The following SLC26A5 variants were observed in gnomAD, a reference collection of about 807,000 sequenced individuals.
SLC26A5 encodes the protein prestin.
Under a neutral mutation model 81.0 loss-of-function variants are expected in SLC26A5, and 51 were observed. The ratio of observed to expected loss-of-function variants is 0.63; its 90% CI spans 0.50 to 0.80. The LOEUF is 0.80. Ranked by LOEUF, SLC26A5 falls within the 30% of genes least tolerant of loss-of-function variation. The pLI, the probability that SLC26A5 is intolerant of heterozygous loss-of-function variation, is 0.00. For synonymous variants in SLC26A5, 325 were observed against 332.8 expected, an observed-to-expected ratio of 0.98 and a Z score of 0.25; for missense variants, 771 against 905.8, an observed-to-expected ratio of 0.85 and a Z score of 1.91.
chr7:103,364,268 A>G, intron 19 of SLC26A5: 2 of 1,614,172 alleles, frequency 1.2e-6, no homozygotes, highest in Non-Finnish European at 1.7e-6. Flanking sequence ...GCTTCATTCG[A>G]GTTATTGGAT....
At chr7:103,362,150 T>C (rs1820448492) in intron 19 of SLC26A5, 34 of 1,600,722 alleles carry the variant, frequency 2.1e-5, no homozygotes, top group Non-Finnish European at 4.3e-6. Context: ...CACATTCATA[T>C]CCTTGGCTTT....
chr7:103,424,188 C>T (rs1204161814), intron 2 of SLC26A5, among the ~76,000 whole-genome samples: 1 of 152,194 alleles, frequency 6.6e-6, no homozygotes, highest in Non-Finnish European at 1.5e-5. Flanking sequence ...CCATTTTCCC[C>T]ACAGCCTAAT....
At chr7:103,362,014 G>A in intron 19 of SLC26A5, 1 of 1,613,996 alleles carries the variant, frequency 6.2e-7, no homozygotes, top group Non-Finnish European at 8.5e-7. Flanking sequence ...TCAACGTAAA[G>A]CAGTTTGCCA....
At chr7:103,413,193 T>A (rs897971645) in intron 4 of SLC26A5, 81 bp from the exon 5 acceptor site, 4 of 950,704 alleles carry the variant, frequency 4.2e-6, no homozygotes, top group Non-Finnish European at 6.7e-6. Flanking sequence ...TGGTTCTTTA[T>A]TTCTGATGAA....
intron 19 of SLC26A5, among the ~76,000 whole-genome samples, chr7:103,364,696 C>G (rs1274590341): frequency 6.6e-6 from 1 of 152,048 alleles, no homozygotes; most frequent in Non-Finnish European, 1.5e-5. Flanking sequence ...GCAAGAACCA[C>G]CACGCCCGGC....
At chr7:103,429,701 C>A (rs931961965) in intron 2 of SLC26A5, among the ~76,000 whole-genome samples, 23 of 152,128 alleles carry the variant, frequency 1.5e-4, no homozygotes, top group Admixed American at 1.5e-3. Flanking sequence ...GGCCCTAAGA[C>A]CTATGCAAGC....
At chr7:103,399,875 C>T (rs1178470064) in intron 8 of SLC26A5, among the ~76,000 whole-genome samples, 1 of 152,156 alleles carries the variant, frequency 6.6e-6, no homozygotes, top group East Asian at 1.9e-4. Context: ...CCAGCTTCAT[C>T]CATGTCCCTG....
chr7:103,438,552 C>T (rs1423427663), intron 2 of SLC26A5, among the ~76,000 whole-genome samples: 1 of 152,068 alleles, frequency 6.6e-6, no homozygotes, highest in Non-Finnish European at 1.5e-5. Context: ...AGGGTTTCAC[C>T]ATGTTGGCCT....
downstream of SLC26A5, among the ~76,000 whole-genome samples, chr7:103,372,692 G>T (rs931916988): frequency 6.6e-6 from 1 of 152,078 alleles, no homozygotes; most frequent in Non-Finnish European, 1.5e-5. Context: ...AGTTATATGT[G>T]GGGGTTAGTT....
chr7:103,382,245 T>C (rs1178677542), intron 14 of SLC26A5, among the ~76,000 whole-genome samples: 1 of 152,068 alleles, frequency 6.6e-6, no homozygotes, highest in Non-Finnish European at 1.5e-5. Flanking sequence ...GAGTAGTCAA[T>C]TGAGGGCGTG....
intron 14 of SLC26A5, chr7:103,388,494 C>A: frequency 4.6e-6 from 1 of 217,152 alleles, no homozygotes; most frequent in Admixed American, 5.2e-5. Context: ...AGCCACTGCA[C>A]CCAACCATAT....
intron 17 of SLC26A5, 113 bp from the exon 18 acceptor site, chr7:103,377,912 C>A: frequency 1.1e-6 from 1 of 951,104 alleles, no homozygotes; most frequent in Admixed American, 1.9e-5. Flanking sequence ...CTGACTCTAC[C>A]AGACCCCTTG....
chr7:103,441,899 A>G (rs1826906768), intron 2 of SLC26A5, among the ~76,000 whole-genome samples: 1 of 152,158 alleles, frequency 6.6e-6, no homozygotes, highest in Non-Finnish European at 1.5e-5. Flanking sequence ...TGAGAAAGGC[A>G]TGTTTAGGTT....
chr7:103,404,061 T>C (rs1823827947), intron 8 of SLC26A5, among the ~76,000 whole-genome samples: 1 of 152,078 alleles, frequency 6.6e-6, no homozygotes, highest in Admixed American at 6.5e-5. Flanking sequence ...CAGGCACCTG[T>C]AATCCCAGCT....
Position 103,393,002 on chromosome 7 carries a change from T to C in SLC26A5, c.1036A>G (p.Ile346Val), listed in dbSNP as rs1339124665. Residue 346 changes from isoleucine (I) to valine (V), a missense_variant, in exon 10 of 20, where the codon ATA (isoleucine) becomes GTA (valine). Physicochemically the swap from Ile to Val is conservative, Grantham distance 29. Transcript: ENST00000306312. ...GTCACTGAAAATCCAACGATGGCTATGGCAATGGCATCTACGTACACAAGG... is the reference window on the plus strand; with the variant it reads ...GTCACTGAAAATCCAACGATGGCTACGGCAATGGCATCTACGTACACAAGG... Reference protein sequence around the residue: ...FHLVYVDAIAIAIVGFSVTIS... With the variant: ...FHLVYVDAIAVAIVGFSVTIS... 1 of 1,614,002 alleles carries C rather than the reference T, an allele frequency of 6.2e-7. No individual in the cohort carries two copies. The highest frequency in any genetic ancestry group is 2.2e-5 in the East Asian group (1 of 44,884).
intron 8 of SLC26A5, among the ~76,000 whole-genome samples, chr7:103,398,922 TTGCATTTTTTG>T (rs1005061562): frequency 6.6e-6 from 1 of 152,142 alleles, no homozygotes; most frequent in Non-Finnish European, 1.5e-5. Flanking sequence ...TCACCCTTAA[TTGCATTTTTTG>T]TGCATCTCTA....
intron 14 of SLC26A5, among the ~76,000 whole-genome samples, chr7:103,384,946 A>G (rs1007661836): frequency 2.6e-5 from 4 of 152,176 alleles, no homozygotes; most frequent in South Asian, 2.1e-4. Flanking sequence ...ACCATGTCTT[A>G]TATACTGCAC....
chr7:103,411,790 A>T (rs1170330893), intron 5 of SLC26A5, among the ~76,000 whole-genome samples: 1 of 152,094 alleles, frequency 6.6e-6, no homozygotes, highest in African/African-American at 2.4e-5. Context: ...CCAAAAATAG[A>T]CATAGCAATA....
intron 2 of SLC26A5, among the ~76,000 whole-genome samples, 170 bp downstream of exon 2, chr7:103,442,913 G>A (rs1197085079): frequency 6.6e-6 from 1 of 152,228 alleles, no homozygotes; most frequent in African/African-American, 2.4e-5. Context: ...AAGTTAAAAG[G>A]TAAGTGTAAG....
Sources: allele counts gnomAD v4.1 joint callset (sites outside exome capture counted in the v4.1 genomes callset), GRCh38; gene constraint gnomAD v4.1.1; transcripts MANE v1.5; gene names NCBI Gene and HGNC (gene_info 2026-07-23, HGNC 2026-07-21).